The following PIWIL2 variants were observed in gnomAD, a reference collection of about 807,000 sequenced individuals.
The protein encoded by PIWIL2 is piwi-like protein 2.
In PIWIL2, 81 loss-of-function variants were observed where a neutral mutation model predicts 116.5. That is an observed-to-expected ratio of 0.70 (90% CI 0.58 to 0.84). The LOEUF (loss-of-function observed/expected upper bound fraction) is 0.84, where lower values mean the gene tolerates loss of function less well. Among genes scored for constraint, PIWIL2 ranks in the 40% least tolerant of loss-of-function variants. The probability of loss-of-function intolerance (pLI) is 0.00; values close to 1 mark genes in which losing one functional copy is unlikely to be tolerated. For missense variants in PIWIL2, 1,272 were observed against 1,212.3 expected, an observed-to-expected ratio of 1.05 and a Z score of -0.73; for synonymous variants, 489 against 429.5, an observed-to-expected ratio of 1.14 and a Z score of -1.71.
chr8:22,312,044 G>T (rs961902328), intron 16 of PIWIL2, among the ~76,000 whole-genome samples: 2 of 152,054 alleles, frequency 1.3e-5, no homozygotes, highest in East Asian at 1.9e-4. Context: ...TGGGCGGGTT[G>T]CTTGAGCCCA....
chr8:22,350,694 AG>A (rs983478204), intron 20 of PIWIL2, among the ~76,000 whole-genome samples: 1 of 152,112 alleles, frequency 6.6e-6, no homozygotes, highest in Non-Finnish European at 1.5e-5. Context: ...TCTTAGGAAA[AG>A]GGGTCATTAA....
rs774526549 is a variant in PIWIL2 at position 22,354,272 on chromosome 8, G to A, written c.2659G>A (p.Val887Met). 3 of 1,604,048 alleles carry A rather than the reference G, an allele frequency of 1.9e-6. No individual in the cohort carries two copies. The South Asian group carries it at 3.3e-5, about 18-fold the overall frequency. ...CTGATTTATGGTTTTCCTTCCTAGGGTGGATTTCTATCTTCTTGCCCATCA... is the reference window on the plus strand; with the variant it reads ...CTGATTTATGGTTTTCCTTCCTAGGATGGATTTCTATCTTCTTGCCCATCA... ...VDHTITSCEW[V>M]DFYLLAHHVR... The change falls in exon 22 of 23, where the codon GTG becomes ATG. Residue 887 changes from valine to methionine, a missense_variant and splice_region_variant. Coordinates refer to ENST00000356766, the MANE Select transcript of PIWIL2 (RefSeq NM_018068.5).
At chr8:22,348,230 G>A (rs1363698630) in intron 20 of PIWIL2, among the ~76,000 whole-genome samples, 1 of 151,564 alleles carries the variant, frequency 6.6e-6, no homozygotes, top group Non-Finnish European at 1.5e-5. Context: ...AACCCGGGAG[G>A]CGGAGGTTGC....
chr8:22,326,814 T>G (rs1281406766), intron 20 of PIWIL2, among the ~76,000 whole-genome samples: 1 of 152,136 alleles, frequency 6.6e-6, no homozygotes, highest in African/African-American at 2.4e-5. Flanking sequence ...CCTGAACAAG[T>G]ATTTGTTTAA....
rs574603847 is a variant in PIWIL2, at chr8:22,329,919, C to G, written c.2403+11644C>G. 9.2e-5 allele frequency among the ~76,000 whole-genome samples: 14 copies of G among 152,284 alleles called. No individual in the cohort carries two copies. The East Asian group carries it at 2.7e-3, about 29-fold the overall frequency. ...CCAGGGGATAGCTGATGTTGCAGGT[C>G]AGCTTTGAGTTTATCCTGCTTGGTG... On this transcript the variant is annotated intron_variant, in intron 20 of 22. Coordinates refer to ENST00000356766, the MANE Select transcript of PIWIL2 (RefSeq NM_018068.5).
In PIWIL2 at chr8:22,281,161, T is replaced by A; in HGVS notation, c.240T>A (p.Ile80=). 1 of 1,613,058 alleles carries A rather than the reference T, an allele frequency of 6.2e-7. No individual in the cohort carries two copies. The highest frequency in any genetic ancestry group is 1.7e-4 in the Middle Eastern group (1 of 6,058). The change falls in exon 3 of 23, where the codon ATT becomes ATA. Residue 80 remains isoleucine, a synonymous_variant. Coordinates refer to ENST00000356766, the MANE Select transcript of PIWIL2 (RefSeq NM_018068.5). ...TCTCCATGTTCCGAGGCCTGGGCAT[T>A]GAAACAGTTTCTAAGACCCCTCTGA... ...GLVSMFRGLG[I]ETVSKTPLKR...
intron 20 of PIWIL2, among the ~76,000 whole-genome samples, chr8:22,319,329 A>G (rs982873351): frequency 2.6e-5 from 4 of 152,140 alleles, no homozygotes; most frequent in Non-Finnish European, 5.9e-5. Context: ...GTCTCCAGCA[A>G]GGTCCATATG....
Position 22,355,689 on chromosome 8 carries a change from G to C in PIWIL2, c.*184G>C. ...ATATCACCAAGAAGCAAGTTTCTGA[G>C]TAACAGCTGAAAATGGCCTTGTTGC... On this transcript the variant is annotated 3_prime_UTR_variant, in exon 23 of 23. Transcript: ENST00000356766. 1.6e-6 allele frequency: 1 copy of C among 618,500 alleles called. No homozygotes were observed. The highest frequency in any genetic ancestry group is 2.8e-6 in the Non-Finnish European group (1 of 358,584). 38.3% of individuals were successfully genotyped at this position (618,500 alleles called of 1,614,324 possible). A position where few individuals can be genotyped will look rare whatever the true frequency, so the allele number is the denominator to read the frequency against.
intron 20 of PIWIL2, among the ~76,000 whole-genome samples, chr8:22,344,332 G>A (rs1464233051): frequency 6.6e-6 from 1 of 152,206 alleles, no homozygotes; most frequent in Non-Finnish European, 1.5e-5. Flanking sequence ...AAACTGTGGA[G>A]TATAGTTAAT....
At chr8:22,319,656 G>A (rs1831548853) in intron 20 of PIWIL2, among the ~76,000 whole-genome samples, 1 of 152,188 alleles carries the variant, frequency 6.6e-6, no homozygotes, top group South Asian at 2.1e-4. Flanking sequence ...ACAAGGCACA[G>A]CCGAGGGCTC....
At chr8:22,296,923 C>G (rs1337713024) in intron 10 of PIWIL2, among the ~76,000 whole-genome samples, 1 of 151,080 alleles carries the variant, frequency 6.6e-6, no homozygotes, top group Non-Finnish European at 1.5e-5. Flanking sequence ...ACTTAAAATT[C>G]TGGATTTGGC....
rs778252601 is a variant in PIWIL2, at chr8:22,283,098, AG to A, written c.491del (p.Ser164ThrfsTer41). 1 of 1,614,188 alleles carries A rather than the reference AG, an allele frequency of 6.2e-7. No homozygotes were observed. The highest frequency in any genetic ancestry group is 8.5e-7 in the Non-Finnish European group (1 of 1,180,018). ...ACTGGGAAGAGCAGCAGGTGGTATCAGCAGAGAAGTGGACAAGCCTCCCTGT... is the reference window on the plus strand; with the variant it reads ...ACTGGGAAGAGCAGCAGGTGGTATCACAGAGAAGTGGACAAGCCTCCCTGT... The part of the protein sequence containing the change: ...LPLGRAAGGI[S>X]REVDKPPCTF... On this transcript the variant is annotated frameshift_variant, in exon 5 of 23. Transcript: ENST00000356766. LOFTEE classifies it high-confidence loss of function.
rs1311949063 is a variant in PIWIL2 at position 22,354,444 on chromosome 8, CT to C, written c.2765+67del. 3.5e-5 allele frequency: 34 copies of C among 967,952 alleles called. No individual in the cohort carries two copies. The Admixed American group carries it at 4.0e-4, about 11-fold the overall frequency. 60.0% of individuals were successfully genotyped at this position (967,952 alleles called of 1,614,324 possible). On this transcript the variant is annotated intron_variant, in intron 22 of 22. Coordinates refer to ENST00000356766, the MANE Select transcript of PIWIL2 (RefSeq NM_018068.5). ...ATTCTGGCCTGCTAGCTAAGATGGG[CT>C]CACTGTTCACCCCAAAATATATTTA... is the stretch of plus-strand genomic sequence containing the variant.
intron 10 of PIWIL2, among the ~76,000 whole-genome samples, chr8:22,295,595 C>T (rs148509709): frequency 3.9e-5 from 6 of 152,266 alleles, no homozygotes; most frequent in South Asian, 4.1e-4. Flanking sequence ...TGTAGCTGCT[C>T]AGCCCCGAGA....
chr8:22,305,049 G>A (rs184504600), intron 12 of PIWIL2, among the ~76,000 whole-genome samples, 181 bp downstream of exon 12: 1 of 152,244 alleles, frequency 6.6e-6, no homozygotes, highest in Non-Finnish European at 1.5e-5. Flanking sequence ...GGTAAGATCT[G>A]CTTTAGAAGT....
intron 19 of PIWIL2, 121 bp downstream of exon 19, chr8:22,316,454 C>T: frequency 1.5e-6 from 1 of 675,538 alleles, no homozygotes; most frequent in East Asian, 2.8e-5. Context: ...TAAACATTTT[C>T]TTCCTCTATC....
intron 20 of PIWIL2, among the ~76,000 whole-genome samples, chr8:22,325,451 C>G (rs973795081): frequency 7.1e-6 from 1 of 140,892 alleles, no homozygotes; most frequent in Non-Finnish European, 1.5e-5. Flanking sequence ...ACTCCATGGT[C>G]TAAAATGATG....
At chr8:22,352,847 T>G in intron 20 of PIWIL2, 112 bp from the exon 21 acceptor site, 5 of 1,107,120 alleles carry the variant, frequency 4.5e-6, no homozygotes, top group Non-Finnish European at 6.5e-6. Flanking sequence ...TGGCACTAAC[T>G]GCAAAAGGAT....
chr8:22,324,923 T>C (rs1196432251), intron 20 of PIWIL2, among the ~76,000 whole-genome samples: 1 of 152,190 alleles, frequency 6.6e-6, no homozygotes, highest in East Asian at 1.9e-4. Flanking sequence ...AACAGATCTT[T>C]TTCTTTACAA....
Sources: allele counts gnomAD v4.1 joint callset (sites outside exome capture counted in the v4.1 genomes callset), GRCh38; gene constraint gnomAD v4.1.1; transcripts MANE v1.5; gene names NCBI Gene and HGNC (gene_info 2026-07-23, HGNC 2026-07-21).